The following MALRD1 variants were observed in gnomAD, a reference collection of about 807,000 sequenced individuals.
MALRD1 encodes the protein MAM and LDL-receptor class A domain-containing protein 1.
A neutral mutation model predicts 242.1 loss-of-function variants in MALRD1; 247 were observed. That is an observed-to-expected ratio of 1.02 (90% CI 0.92 to 1.13). The LOEUF (loss-of-function observed/expected upper bound fraction) is 1.13. Ranked by LOEUF, MALRD1 falls within the 50% of genes most tolerant of loss-of-function variation. The pLI is 0.00. For synonymous variants in MALRD1, 995 were observed against 866.6 expected (o/e 1.15, Z -2.60); for missense variants, 2,989 against 2,533.1 (o/e 1.18, Z -3.86).
At chr10:19,265,874 A>G (rs1839953830) in intron 19 of MALRD1, among the ~76,000 whole-genome samples, 1 of 151,882 alleles carries the variant, frequency 6.6e-6, no homozygotes, top group Non-Finnish European at 1.5e-5. Context: ...ATTTATTAAT[A>G]TTTGCTATAC....
At chr10:19,312,004 A>G (rs1784272331) in intron 21 of MALRD1, among the ~76,000 whole-genome samples, 1 of 151,412 alleles carries the variant, frequency 6.6e-6, no homozygotes, top group Non-Finnish European at 1.5e-5. Context: ...TGGCCTTTCC[A>G]TCACAGGCCA....
chr10:19,489,984 G>C lies in MALRD1; in HGVS notation c.5030-1533G>C, dbSNP rs139960063. On this transcript the variant is annotated intron_variant, in intron 29 of 39. Transcript: ENST00000454679. ...CATACATGCTATTCAGTTGTGAATT[G>C]GTGGGATGTAGGTAACAGCTTATCA... Among the ~76,000 whole-genome samples, 845 of 152,168 alleles carry C rather than the reference G, an allele frequency of 5.6e-3. 5 individuals carry two copies. The highest frequency in any genetic ancestry group is 0.014 in the South Asian group (68 of 4,828).
chr10:19,080,167 C>G (rs751027488), intron 2 of MALRD1, among the ~76,000 whole-genome samples: 3 of 151,882 alleles, frequency 2.0e-5, no homozygotes, highest in Admixed American at 6.6e-5. Flanking sequence ...TAGGAGGATG[C>G]AGTATTGTAA....
chr10:19,342,751 G>T (rs1843940607), intron 24 of MALRD1, among the ~76,000 whole-genome samples: 1 of 152,034 alleles, frequency 6.6e-6, no homozygotes, highest in African/African-American at 2.4e-5. Context: ...TTCTGGGAAG[G>T]ATCAGCTGTC....
At chr10:19,047,056 A>T (rs1440751236), upstream of MALRD1, among the ~76,000 whole-genome samples, 1 of 152,150 alleles carries the variant, frequency 6.6e-6, no homozygotes, top group East Asian at 1.9e-4. Flanking sequence ...ATAGGAGTGG[A>T]TTTGTGCTTT....
intron 5 of MALRD1, among the ~76,000 whole-genome samples, chr10:19,121,310 G>A (rs1306521681): frequency 6.6e-6 from 1 of 152,102 alleles, no homozygotes; most frequent in African/African-American, 2.4e-5. Flanking sequence ...CAAGTGCTGG[G>A]ATTACAGTTG....
intron 29 of MALRD1, among the ~76,000 whole-genome samples, chr10:19,465,594 G>A (rs1836181406): frequency 1.3e-5 from 2 of 152,046 alleles, no homozygotes; most frequent in South Asian, 4.1e-4. Context: ...ATAATAGCAC[G>A]ATCACAGCTC....
At chr10:19,318,736 T>A (rs1703464157) in intron 21 of MALRD1, among the ~76,000 whole-genome samples, 1 of 152,028 alleles carries the variant, frequency 6.6e-6, no homozygotes, top group African/African-American at 2.4e-5. Context: ...TAATTTCATC[T>A]GAGTCTACAA....
intron 14 of MALRD1, among the ~76,000 whole-genome samples, chr10:19,198,272 T>C (rs1836355303): frequency 6.6e-6 from 1 of 152,192 alleles, no homozygotes; most frequent in Non-Finnish European, 1.5e-5. Context: ...ACTAATGGTA[T>C]AGCAAATGTT....
At chr10:19,553,202 A>C (rs1835570094) in intron 32 of MALRD1, among the ~76,000 whole-genome samples, 3 of 152,106 alleles carry the variant, frequency 2.0e-5, no homozygotes, top group Non-Finnish European at 1.5e-5. Flanking sequence ...TAAATAACTA[A>C]AAAAATAAAC....
chr10:19,211,484 G>C (rs1031703551), intron 18 of MALRD1, among the ~76,000 whole-genome samples: 1 of 151,834 alleles, frequency 6.6e-6, no homozygotes, highest in African/African-American at 2.4e-5. Flanking sequence ...CTTGAGGTCA[G>C]GAGATCAAGA....
At chr10:19,719,873 GA>G (rs930264668) in intron 38 of MALRD1, among the ~76,000 whole-genome samples, 2 of 151,414 alleles carry the variant, frequency 1.3e-5, no homozygotes, top group African/African-American at 4.8e-5. Context: ...GACAGGAATA[GA>G]GACCATTAGA....
At chr10:19,444,436 G>A (rs566402284) in intron 28 of MALRD1, among the ~76,000 whole-genome samples, 1 of 152,302 alleles carries the variant, frequency 6.6e-6, no homozygotes, top group South Asian at 2.1e-4. Context: ...TGTTTTTGCA[G>A]TGCCTGGTAC....
intron 29 of MALRD1, among the ~76,000 whole-genome samples, chr10:19,477,108 A>G (rs1836774560): frequency 6.6e-6 from 1 of 152,164 alleles, no homozygotes; most frequent in South Asian, 2.1e-4. Context: ...AATGCACTAC[A>G]AGAATACGTT....
At chr10:19,602,037 A>G (rs1406024133) in intron 34 of MALRD1, among the ~76,000 whole-genome samples, 3 of 152,038 alleles carry the variant, frequency 2.0e-5, no homozygotes, top group Non-Finnish European at 4.4e-5. Flanking sequence ...TAAAATAAAT[A>G]AAACAGGCAT....
intron 33 of MALRD1, among the ~76,000 whole-genome samples, chr10:19,583,440 T>C (rs1174407136): frequency 1.3e-5 from 2 of 149,522 alleles, no homozygotes; most frequent in African/African-American, 2.5e-5. Context: ...TGAAGGGTTG[T>C]TGAATTTTGT....
At chr10:19,298,217 T>A (rs796498140) in intron 21 of MALRD1, among the ~76,000 whole-genome samples, 23 of 152,022 alleles carry the variant, frequency 1.5e-4, no homozygotes, top group African/African-American at 5.3e-4. Flanking sequence ...GCTTCCTTGC[T>A]TCATAACGAC....
intron 12 of MALRD1, among the ~76,000 whole-genome samples, chr10:19,156,961 G>A (rs191740314): frequency 6.6e-6 from 1 of 152,276 alleles, no homozygotes; most frequent in East Asian, 1.9e-4. Context: ...TAAAGGCTAT[G>A]GATACTGACT....
At chr10:19,533,696 A>C (rs1834528987) in intron 32 of MALRD1, among the ~76,000 whole-genome samples, 1 of 152,044 alleles carries the variant, frequency 6.6e-6, no homozygotes, top group Admixed American at 6.5e-5. Context: ...TATCATGAGA[A>C]CTCACTCATT....
Sources: gnomAD v4.1 joint callset for allele counts (sites outside exome capture counted in the v4.1 genomes callset) on GRCh38, gnomAD v4.1.1 for gene constraint, MANE v1.5 for transcripts, NCBI Gene and HGNC (gene_info 2026-07-23, HGNC 2026-07-21) for gene names.